The following NYAP2 variants were observed in gnomAD, a reference collection of about 807,000 sequenced individuals.
NYAP2 encodes the protein neuronal tyrosine-phosphorylated phosphoinositide-3-kinase adaptor 2.
NYAP2 carries 23 observed loss-of-function variants against 50.4 expected under a neutral mutation model. The ratio of observed to expected loss-of-function variants is 0.46; its 90% CI spans 0.33 to 0.65. The LOEUF (loss-of-function observed/expected upper bound fraction) is 0.65, where lower values mean the gene tolerates loss of function less well. NYAP2 is among the 30% of genes least tolerant of loss of function. NYAP2 has a pLI of 0.02. For synonymous variants in NYAP2, 394 were observed against 365.2 expected (o/e 1.08, Z -0.90); for missense variants, 885 against 861.0 (o/e 1.03, Z -0.35).
intron 3 of NYAP2, among the ~76,000 whole-genome samples, chr2:225,442,733 G>T (rs934775034): frequency 6.6e-6 from 1 of 151,920 alleles, no homozygotes; most frequent in Non-Finnish European, 1.5e-5. Flanking sequence ...ACACCACCAC[G>T]CCCAGCTAAT....
intron 3 of NYAP2, among the ~76,000 whole-genome samples, chr2:225,472,626 G>A (rs1301730832): frequency 6.6e-6 from 1 of 152,140 alleles, no homozygotes; most frequent in Non-Finnish European, 1.5e-5. Flanking sequence ...GGAGGGCTGT[G>A]TAAAAATCAT....
intron 3 of NYAP2, among the ~76,000 whole-genome samples, chr2:225,446,242 CTCTCTATATATA>C (rs1299353348): frequency 1.4e-3 from 159 of 110,236 alleles, no homozygotes; most frequent in African/African-American, 4.8e-3. Context: ...CTCTCTCTCT[CTCTCTATATATA>C]TATATATATA....
intron 5 of NYAP2, among the ~76,000 whole-genome samples, chr2:225,614,094 G>A (rs932252716): frequency 1.3e-5 from 2 of 152,132 alleles, no homozygotes; most frequent in African/African-American, 4.8e-5. Context: ...CTCAGTAAGA[G>A]TTGTTTCCTC....
At chr2:225,645,826 C>T (rs961896816) in intron 6 of NYAP2, among the ~76,000 whole-genome samples, 51 of 152,162 alleles carry the variant, frequency 3.4e-4, no homozygotes, top group African/African-American at 1.2e-3. Flanking sequence ...GACTCCTCAG[C>T]CTCACCGTTC....
At chr2:225,560,659 T>C (rs79467408) in intron 4 of NYAP2, among the ~76,000 whole-genome samples, 417 of 152,180 alleles carry the variant, frequency 2.7e-3, no homozygotes, top group African/African-American at 9.6e-3. Flanking sequence ...AATTGATCAA[T>C]TGGAACAGAA....
chr2:225,493,860 T>G (rs1278328170), intron 3 of NYAP2, among the ~76,000 whole-genome samples: 1 of 152,074 alleles, frequency 6.6e-6, no homozygotes, highest in East Asian at 1.9e-4. Flanking sequence ...CACGTCAGAG[T>G]TGGAAAGAAG....
chr2:225,651,795 T>C (rs1693736965), exon 7 of NYAP2: 1 of 514,356 alleles, frequency 1.9e-6, no homozygotes, highest in African/African-American at 1.9e-5. Flanking sequence ...CTGGTTTCCA[T>C]CATTCTGTAA....
At chr2:225,609,426 C>T (rs1692842521) in intron 5 of NYAP2, among the ~76,000 whole-genome samples, 1 of 152,126 alleles carries the variant, frequency 6.6e-6, no homozygotes, top group Non-Finnish European at 1.5e-5. Flanking sequence ...TTTCTTAGGC[C>T]TAGATGTGGA....
chr2:225,665,159 T>C, the NYAP2 span, among the ~76,000 whole-genome samples: 3 of 152,182 alleles, frequency 2.0e-5, no homozygotes, highest in African/African-American at 4.8e-5. Flanking sequence ...ATTTTCTCTT[T>C]ACAAAATTTT....
At position 225,512,858 on chromosome 2, in the gene NYAP2, TTCCTTCCTTCCTTC is replaced by T. The variant is rs1559200596; in HGVS notation, c.222-512_222-499del. 1.7e-3 allele frequency among the ~76,000 whole-genome samples: 173 copies of T among 102,198 alleles called. 6 individuals carry two copies. Among genetic ancestry groups the T allele is most frequent in the South Asian group, 0.016 (58 of 3,732 alleles). 67.0% of individuals were successfully genotyped at this position (102,198 alleles called of 152,430 possible). On this transcript the variant is annotated intron_variant, in intron 3 of 6. Transcript: ENST00000636099. Reference sequence around the variant, plus strand: ...CTCTCTTTCTTTCTTTCTTTCTTCCTTCCTTCCTTCCTTCCTTCCTTCCTTCCTTCCTTCCTTCC... The same window carrying T: ...CTCTCTTTCTTTCTTTCTTTCTTCCTCTTCCTTCCTTCCTTCCTTCCTTCC...
At chr2:225,487,835 C>A (rs139778824) in intron 3 of NYAP2, among the ~76,000 whole-genome samples, 131 of 152,314 alleles carry the variant, frequency 8.6e-4, no homozygotes, top group Admixed American at 3.6e-3. Context: ...CACCCACACC[C>A]ACATACAGAT....
chr2:225,648,683 A>G (rs1693678208), intron 6 of NYAP2, among the ~76,000 whole-genome samples: 1 of 152,212 alleles, frequency 6.6e-6, no homozygotes, highest in African/African-American at 2.4e-5. Flanking sequence ...TGTTTCTACT[A>G]TACATAGGAA....
intron 4 of NYAP2, among the ~76,000 whole-genome samples, chr2:225,569,844 A>G (rs941649297): frequency 3.9e-5 from 6 of 152,170 alleles, no homozygotes; most frequent in African/African-American, 1.4e-4. Context: ...AGGTTATGGA[A>G]CCTAATATTT....
Position 225,530,163 on chromosome 2 carries a change from G to T in NYAP2, c.523+16491G>T, listed in dbSNP as rs1322339172. On this transcript the variant is annotated intron_variant, in intron 4 of 6. Transcript: ENST00000636099. The stretch of plus-strand genomic sequence containing the variant: ...TTATACTGCTACTCTCCATCTCATA[G>T]ATTTAATAGTAATGGAAAGAAATCT... Among the ~76,000 whole-genome samples the T allele has an allele frequency of 2.0e-5, 3 of 152,014 alleles. No homozygotes were observed. The East Asian group carries it at 5.8e-4, about 29-fold the overall frequency.
intron 3 of NYAP2, among the ~76,000 whole-genome samples, chr2:225,498,031 G>GT (rs1198411695): frequency 2.0e-5 from 3 of 152,032 alleles, no homozygotes; most frequent in African/African-American, 7.2e-5. Context: ...CAAAATTTCT[G>GT]TAACTCTTTA....
intron 3 of NYAP2, among the ~76,000 whole-genome samples, chr2:225,418,397 AG>A (rs1695159460): frequency 6.6e-6 from 1 of 152,134 alleles, no homozygotes; most frequent in Non-Finnish European, 1.5e-5. Context: ...CAGTAAGGGC[AG>A]GGCAGGGAGA....
intron 3 of NYAP2, among the ~76,000 whole-genome samples, chr2:225,473,313 G>A (rs1364751423): frequency 2.6e-5 from 4 of 152,112 alleles, no homozygotes; most frequent in Non-Finnish European, 4.4e-5. Context: ...TAATCCTTTG[G>A]GTATATACCC....
intron 4 of NYAP2, among the ~76,000 whole-genome samples, chr2:225,571,728 C>A (rs1414033125): frequency 6.6e-6 from 1 of 152,194 alleles, no homozygotes; most frequent in Admixed American, 6.5e-5. Context: ...AGGCCTCTGA[C>A]ATGCCCTGGA....
intron 4 of NYAP2, among the ~76,000 whole-genome samples, chr2:225,517,673 G>C (rs1690960026): frequency 6.6e-6 from 1 of 152,124 alleles, no homozygotes; most frequent in Non-Finnish European, 1.5e-5. Flanking sequence ...AAATAGAGCT[G>C]AATACCTTAT....
Sources: gnomAD v4.1 joint callset for allele counts (sites outside exome capture counted in the v4.1 genomes callset) on GRCh38, gnomAD v4.1.1 for gene constraint, MANE v1.5 for transcripts, NCBI Gene and HGNC (gene_info 2026-07-23, HGNC 2026-07-21) for gene names.